ARID1B: variants seen among roughly 807,000 people sequenced by gnomAD.
The protein encoded by ARID1B is AT-rich interactive domain-containing protein 1B.
ARID1B carries 30 observed loss-of-function variants against 212.3 expected under a neutral mutation model. That is an observed-to-expected ratio of 0.14 (90% CI 0.11 to 0.19). ARID1B has a LOEUF of 0.19. Among genes scored for constraint, ARID1B ranks in the 10% least tolerant of loss-of-function variants. The pLI, the probability that ARID1B is intolerant of heterozygous loss-of-function variation, is 1.00. For synonymous variants in ARID1B, 1,402 were observed against 1,301.7 expected, an observed-to-expected ratio of 1.08 and a Z score of -1.66; for missense variants, 2,891 against 3,204.0, an observed-to-expected ratio of 0.90 and a Z score of 2.36.
chr6:157,188,974 A>G (rs1331735299), intron 13 of ARID1B, among the ~76,000 whole-genome samples: 1 of 152,230 alleles, frequency 6.6e-6, no homozygotes, highest in Non-Finnish European at 1.5e-5. Context: ...GCACCCTGAT[A>G]ACAGCATTAA....
chr6:157,082,812 T>G (rs1212225140), intron 4 of ARID1B, among the ~76,000 whole-genome samples: 1 of 152,216 alleles, frequency 6.6e-6, no homozygotes, highest in African/African-American at 2.4e-5. Context: ...CATTGGACAT[T>G]GAAGATTTTG....
chr6:157,154,433 G>A (rs1446564738), intron 8 of ARID1B, among the ~76,000 whole-genome samples: 2 of 151,912 alleles, frequency 1.3e-5, no homozygotes, highest in Non-Finnish European at 2.9e-5. Context: ...AACTGGGAAG[G>A]TTTTAGACGT....
At chr6:156,911,583 C>A (rs1789898894) in intron 3 of ARID1B, among the ~76,000 whole-genome samples, 1 of 152,134 alleles carries the variant, frequency 6.6e-6, no homozygotes, top group Admixed American at 6.5e-5. Flanking sequence ...TCCTGAAATT[C>A]ATATGTAAAG....
Position 156,777,842 on chromosome 6 carries a change from G to A in ARID1B, c.162G>A (p.Pro54=), listed in dbSNP as rs906576162. ...ARGAAAAAAA[P]GPMLGGGGDG... ...GCGCGGCGGCGGCGGCGGCGGCACC[G>A]GGACCCATGCTGGGGGGCGGCGGCG... is the stretch of plus-strand genomic sequence containing the variant. The change falls in exon 1 of 20, where the codon CCG becomes CCA. Residue 54 remains proline, a synonymous_variant. Transcript: ENST00000636930. 4.1e-6 allele frequency: 5 copies of A among 1,208,498 alleles called. No homozygotes were observed. The highest frequency in any genetic ancestry group is 3.4e-5 in the East Asian group (1 of 29,716). The allele number at this position is 1,208,498 out of a possible 1,614,324, so 74.9% of individuals were successfully genotyped here. A position where few individuals can be genotyped will look rare whatever the true frequency, so the allele number is the denominator to read the frequency against.
intron 4 of ARID1B, among the ~76,000 whole-genome samples, chr6:157,038,008 A>G (rs139627067): frequency 0.01 from 1,541 of 152,378 alleles, 34 homozygotes; most frequent in African/African-American, 0.035. Context: ...TTGTCGATCA[A>G]ATTACTTGCC....
At chr6:156,824,801 C>T (rs1782627448) in intron 1 of ARID1B, among the ~76,000 whole-genome samples, 3 of 152,080 alleles carry the variant, frequency 2.0e-5, no homozygotes, top group African/African-American at 7.2e-5. Flanking sequence ...AAAATTGCTT[C>T]AGGTTAGATG....
chr6:156,893,156 C>T (rs1562464877), intron 2 of ARID1B, among the ~76,000 whole-genome samples: 3 of 148,496 alleles, frequency 2.0e-5, no homozygotes, highest in Admixed American at 1.4e-4. Flanking sequence ...GATTCTCCTG[C>T]CTTAGCCTCC....
chr6:156,829,307 G>C lies in ARID1B; in HGVS notation c.1872G>C (p.Gln624His), dbSNP rs1240706895. 1.9e-6 allele frequency: 3 copies of C among 1,614,116 alleles called. No homozygotes were observed. The highest frequency in any genetic ancestry group is 2.5e-6 in the Non-Finnish European group (3 of 1,180,040). ...GTAACCCTCATTCTCAGCCTCAGCA[G>C]AGCAGTCCGTACCCAGGAGGTTCCT... is the stretch of plus-strand genomic sequence containing the variant. The part of the protein sequence containing the change: ...MGSNPHSQPQ[Q>H]SSPYPGGSYG... Residue 624 changes from glutamine (Q) to histidine (H), a missense_variant, in exon 2 of 20, where the codon CAG becomes CAC. By Grantham distance (24) the Gln-to-His change is conservative. Transcript: ENST00000636930.
intron 13 of ARID1B, 135 bp downstream of exon 13, chr6:157,184,570 T>A (rs1456901583): frequency 9.6e-7 from 1 of 1,045,958 alleles, no homozygotes; most frequent in East Asian, 2.6e-5. Context: ...CTGTGTCGTT[T>A]TGTTTATTTA....
intron 4 of ARID1B, among the ~76,000 whole-genome samples, chr6:157,006,542 T>C (rs1471794884): frequency 6.6e-6 from 1 of 152,200 alleles, no homozygotes; most frequent in African/African-American, 2.4e-5. Context: ...ATAACTAACC[T>C]AGTTACCAGT....
At chr6:157,172,279 A>G (rs1791764833) in intron 9 of ARID1B, among the ~76,000 whole-genome samples, 1 of 152,180 alleles carries the variant, frequency 6.6e-6, no homozygotes, top group Non-Finnish European at 1.5e-5. Context: ...TCGCGGTGTA[A>G]TATCTCTCAG....
intron 4 of ARID1B, among the ~76,000 whole-genome samples, chr6:157,035,603 A>G (rs1485432733): frequency 6.6e-6 from 1 of 152,196 alleles, no homozygotes; most frequent in African/African-American, 2.4e-5. Context: ...GAAACTTACA[A>G]TGATTTTTTC....
chr6:157,074,851 A>T (rs999124886), intron 4 of ARID1B, among the ~76,000 whole-genome samples: 5 of 152,054 alleles, frequency 3.3e-5, no homozygotes, highest in Non-Finnish European at 7.3e-5. Context: ...GTATAGTAAC[A>T]TCATGGCGTG....
At chr6:156,945,570 A>G (rs560064784) in intron 4 of ARID1B, among the ~76,000 whole-genome samples, 4 of 151,876 alleles carry the variant, frequency 2.6e-5, no homozygotes, top group Non-Finnish European at 4.4e-5. Context: ...CCCCATGGGC[A>G]TGGGTGGTTG....
intron 5 of ARID1B, among the ~76,000 whole-genome samples, chr6:157,097,043 T>C (rs1472987968): frequency 6.6e-6 from 1 of 152,164 alleles, no homozygotes; most frequent in African/African-American, 2.4e-5. Flanking sequence ...TTTTTTAAGT[T>C]TTTCAGAATA....
In ARID1B at chr6:156,935,520, A is replaced by C; in HGVS notation, c.2191A>C (p.Lys731Gln). The C allele has an allele frequency of 1.2e-6, 2 of 1,614,106 alleles. No homozygotes were observed. The highest frequency in any genetic ancestry group is 1.7e-6 in the Non-Finnish European group (2 of 1,179,956). ...TRSQPPLAPG[K>Q]PNHEDLNLIQ... ...ATCTCAACCTCCTCTGGCCCCCGGA[A>C]AACCTAACCATGAAGACTTGAACTT... The change falls in exon 4 of 20, where the codon AAA becomes CAA. Residue 731 changes from lysine to glutamine, a missense_variant. By Grantham distance (53) the Lys-to-Gln change is moderately conservative. Coordinates refer to ENST00000636930, the MANE Select transcript of ARID1B (RefSeq NM_001374828.1).
intron 2 of ARID1B, among the ~76,000 whole-genome samples, chr6:156,895,046 A>G (rs1212617922): frequency 2.6e-5 from 4 of 152,216 alleles, no homozygotes; most frequent in East Asian, 1.9e-4. Flanking sequence ...TTCATGGTCA[A>G]ATGAGTTTGA....
intron 4 of ARID1B, among the ~76,000 whole-genome samples, chr6:157,078,322 C>G (rs1361358844): frequency 1.3e-5 from 2 of 152,084 alleles, no homozygotes; most frequent in African/African-American, 2.4e-5. Context: ...GGGAGTCTAA[C>G]CAAGAAGGGA....
chr6:156,899,354 A>G (rs1332586283), intron 2 of ARID1B, among the ~76,000 whole-genome samples: 1 of 152,224 alleles, frequency 6.6e-6, no homozygotes, highest in Non-Finnish European at 1.5e-5. Flanking sequence ...GACCGGGTCC[A>G]GTTGGTTGGC....
Sources: gnomAD v4.1 joint callset for allele counts (sites outside exome capture counted in the v4.1 genomes callset) on GRCh38, gnomAD v4.1.1 for gene constraint, MANE v1.5 for transcripts, NCBI Gene and HGNC (gene_info 2026-07-23, HGNC 2026-07-21) for gene names.